Variants in CACNA1E observed in about 807,000 individuals in gnomAD.
CACNA1E encodes the protein voltage-dependent R-type calcium channel subunit alpha-1E.
Under a neutral mutation model 259.2 loss-of-function variants are expected in CACNA1E, and 40 were observed. The observed-to-expected ratio is 0.15, with a 90% CI of 0.12 to 0.20. CACNA1E has a LOEUF of 0.20. Ranked by LOEUF, CACNA1E falls within the 10% of genes least tolerant of loss-of-function variation. The probability of loss-of-function intolerance (pLI) is 1.00; values close to 1 mark genes in which losing one functional copy is unlikely to be tolerated. For synonymous variants in CACNA1E, 1,104 were observed against 1,138.5 expected (o/e 0.97, Z 0.61); for missense variants, 1,874 against 3,040.1 (o/e 0.62, Z 9.02).
At chr1:181,516,632 G>A (rs1666605589) in intron 3 of CACNA1E, among the ~76,000 whole-genome samples, 1 of 152,186 alleles carries the variant, frequency 6.6e-6, no homozygotes, top group Admixed American at 6.5e-5. Context: ...CTGTGCTGCT[G>A]GAGCAATTTA....
rs980928543 is a variant in CACNA1E, at chr1:181,805,239, A to C, written c.*6405A>C. The C allele has an allele frequency of 6.6e-5, 10 of 152,184 alleles. No homozygotes were observed. The highest frequency in any genetic ancestry group is 1.3e-4 in the Non-Finnish European group (9 of 68,034). The allele number at this position is 152,184 out of a possible 1,614,324, so 9.4% of individuals were successfully genotyped here. The stretch of plus-strand genomic sequence containing the variant: ...AACTGAAAAGGAAATGAAATAATCA[A>C]ATATACCAAATCCGAATTTGACTTT... On this transcript the variant is annotated 3_prime_UTR_variant, in exon 48 of 48. Transcript: ENST00000367573.
intron 1 of CACNA1E, among the ~76,000 whole-genome samples, chr1:181,378,488 G>A (rs1409871490): frequency 6.6e-6 from 1 of 152,194 alleles, no homozygotes; most frequent in Non-Finnish European, 1.5e-5. Context: ...AGAGCCCAGG[G>A]AGACCAAAGA....
rs1654298276 is a variant in CACNA1E at position 181,720,227 on chromosome 1, T to C, written c.1773T>C (p.Asn591=). The C allele has an allele frequency of 6.2e-7, 1 of 1,613,866 alleles. No individual in the cohort carries two copies. Among genetic ancestry groups the C allele is most frequent in the Admixed American group, 1.7e-5 (1 of 60,004 alleles). The change falls in exon 14 of 48, where the codon AAT becomes AAC. Residue 591 remains asparagine (N), a synonymous_variant. Transcript: ENST00000367573. ...KITKYWASLR[N]LVVSLMSSMK... Reference sequence around the variant, plus strand: ...GTAGGTATTGGGCTTCCCTACGGAATTTGGTGGTCTCCTTGATGAGCTCAA... The same window carrying C: ...GTAGGTATTGGGCTTCCCTACGGAACTTGGTGGTCTCCTTGATGAGCTCAA...
Position 181,568,276 on chromosome 1 carries a change from A to G in CACNA1E, c.513-9490A>G, listed in dbSNP as rs143331538. Among the ~76,000 whole-genome samples, 591 of 152,282 alleles carry G rather than the reference A, an allele frequency of 3.9e-3. 4 individuals are homozygous for G. Among genetic ancestry groups the G allele is most frequent in the Middle Eastern group, 0.027 (8 of 292 alleles). On this transcript the variant is annotated intron_variant, in intron 3 of 47. Transcript: ENST00000367573. The stretch of plus-strand genomic sequence containing the variant: ...GCATGTTGTCAGGGAAGGCTGCTGC[A>G]GAGAAGGCAGCCAGCACAGCCGCCC...
chr1:181,461,614 G>T, intron 2 of CACNA1E, among the ~76,000 whole-genome samples: 1 of 148,376 alleles, frequency 6.7e-6, no homozygotes, highest in Non-Finnish European at 1.5e-5. Flanking sequence ...TCAGGCAGTT[G>T]TGCCTTCCCT....
At chr1:181,434,237 G>A (rs1571865433) in intron 2 of CACNA1E, among the ~76,000 whole-genome samples, 1 of 152,166 alleles carries the variant, frequency 6.6e-6, no homozygotes, top group South Asian at 2.1e-4. Context: ...GACATATAAA[G>A]TGCTTATCAT....
chr1:181,367,586 AT>A (rs1654374979), intron 1 of CACNA1E, among the ~76,000 whole-genome samples: 1 of 138,746 alleles, frequency 7.2e-6, no homozygotes, highest in Non-Finnish European at 1.6e-5. Context: ...ACTATAATAT[AT>A]AATATATAAC....
chr1:181,606,447 C>G (rs565692885), intron 6 of CACNA1E, among the ~76,000 whole-genome samples: 1 of 152,188 alleles, frequency 6.6e-6, no homozygotes, highest in Non-Finnish European at 1.5e-5. Context: ...AATATATCCC[C>G]GGCTGCGCCC....
intron 3 of CACNA1E, among the ~76,000 whole-genome samples, chr1:181,539,287 G>C (rs1013271431): frequency 2.0e-5 from 3 of 152,164 alleles, no homozygotes; most frequent in Non-Finnish European, 4.4e-5. Flanking sequence ...TTGAAGGCAG[G>C]GGTTGTATTG....
intron 2 of CACNA1E, among the ~76,000 whole-genome samples, chr1:181,427,199 C>T (rs1659346213): frequency 6.6e-6 from 1 of 151,702 alleles, no homozygotes; most frequent in South Asian, 2.1e-4. Context: ...CTCTCCCCAT[C>T]TCAAGCCTAC....
intron 1 of CACNA1E, among the ~76,000 whole-genome samples, chr1:181,386,041 C>T (rs1359918326): frequency 2.6e-5 from 4 of 152,184 alleles, no homozygotes; most frequent in Non-Finnish European, 5.9e-5. Flanking sequence ...ATCAACAACA[C>T]AAGGAATTCT....
chr1:181,627,051 T>C (rs1656267663), intron 6 of CACNA1E, among the ~76,000 whole-genome samples: 1 of 152,224 alleles, frequency 6.6e-6, no homozygotes, highest in Non-Finnish European at 1.5e-5. Flanking sequence ...GTTTATGCTT[T>C]TCTGTACTTC....
chr1:181,484,995 A>G (rs1663661837), intron 1 of CACNA1E, among the ~76,000 whole-genome samples: 1 of 152,242 alleles, frequency 6.6e-6, no homozygotes, highest in South Asian at 2.1e-4. Context: ...CTGATTAGGC[A>G]GCTCACTGCC....
chr1:181,666,663 C>T (rs974167869), intron 7 of CACNA1E, among the ~76,000 whole-genome samples: 1 of 151,442 alleles, frequency 6.6e-6, no homozygotes, highest in Non-Finnish European at 1.5e-5. Context: ...TCTAAAGCTA[C>T]AATAATTGAA....
At chr1:181,717,763 A>G (rs1654039443) in intron 11 of CACNA1E, among the ~76,000 whole-genome samples, 1 of 152,120 alleles carries the variant, frequency 6.6e-6, no homozygotes, top group Non-Finnish European at 1.5e-5. Context: ...CTCTTTGATC[A>G]AAGCCATAGT....
intron 35 of CACNA1E, among the ~76,000 whole-genome samples, chr1:181,769,432 T>G (rs1262025087): frequency 2.0e-5 from 3 of 150,900 alleles, no homozygotes; most frequent in Non-Finnish European, 3.0e-5. Context: ...GTTTGTTTTG[T>G]TCTGCTTTTT....
At chr1:181,577,927 G>C in intron 4 of CACNA1E, 58 bp downstream of exon 4, 1 of 1,140,636 alleles carries the variant, frequency 8.8e-7, no homozygotes, top group Non-Finnish European at 1.3e-6. Context: ...GTCCTCAGCT[G>C]GATCCAGGTC....
intron 1 of CACNA1E, among the ~76,000 whole-genome samples, chr1:181,348,243 G>A (rs1225098726): frequency 6.6e-6 from 1 of 151,976 alleles, no homozygotes; most frequent in African/African-American, 2.4e-5. Context: ...TCCAGATGTG[G>A]GCACGCTTTG....
intron 44 of CACNA1E, among the ~76,000 whole-genome samples, chr1:181,792,992 A>T (rs369155481): frequency 6.6e-6 from 1 of 152,022 alleles, no homozygotes; most frequent in East Asian, 1.9e-4. Flanking sequence ...ACATGTTGAC[A>T]TGCTACTATT....
Sources: allele counts gnomAD v4.1 joint callset (sites outside exome capture counted in the v4.1 genomes callset), GRCh38; gene constraint gnomAD v4.1.1; transcripts MANE v1.5; gene names NCBI Gene and HGNC (gene_info 2026-07-23, HGNC 2026-07-21).